The following TENM3 variants were observed in gnomAD, a reference collection of about 807,000 sequenced individuals.
The protein encoded by TENM3 is teneurin-3.
In TENM3, 63 loss-of-function variants were observed where a neutral mutation model predicts 255.1. That is an observed-to-expected ratio of 0.25 (90% CI 0.20 to 0.30). The LOEUF is 0.30. Among genes scored for constraint, TENM3 ranks in the 10% least tolerant of loss-of-function variants. TENM3 has a pLI of 1.00. For synonymous variants in TENM3, 1,306 were observed against 1,322.3 expected, an observed-to-expected ratio of 0.99 and a Z score of 0.27; for missense variants, 2,929 against 3,461.1, an observed-to-expected ratio of 0.85 and a Z score of 3.86.
At position 182,729,054 on chromosome 4, in the gene TENM3, G is replaced by A. The variant is rs1173894790; in HGVS notation, c.2458G>A (p.Asp820Asn). 6.2e-7 allele frequency: 1 copy of A among 1,613,966 alleles called. No homozygotes were observed. Residue 820 changes from aspartate (D) to asparagine (N), a missense_variant, in exon 14 of 28, where the codon GAC (aspartate) becomes AAC (asparagine). Asp to Asn is a conservative substitution (Grantham distance 23). Transcript: ENST00000511685. ...PYCRGLPDPQDIISQSLQSPS... is the reference protein window; with the variant it reads ...PYCRGLPDPQNIISQSLQSPS... ...TTGTCGGGGACTGCCGGATCCTCAGGACATCATTAGCCAAAGCCTTCAATC... is the reference window on the plus strand; with the variant it reads ...TTGTCGGGGACTGCCGGATCCTCAGAACATCATTAGCCAAAGCCTTCAATC...
the TENM3 span, among the ~76,000 whole-genome samples, chr4:181,862,569 G>A: frequency 6.6e-6 from 1 of 152,018 alleles, no homozygotes; most frequent in Non-Finnish European, 1.5e-5. Context: ...GCTATGAGAA[G>A]CAAGACAAAA....
At chr4:182,545,879 A>G (rs1003148979) in intron 3 of TENM3, among the ~76,000 whole-genome samples, 26 of 152,262 alleles carry the variant, frequency 1.7e-4, no homozygotes, top group African/African-American at 6.3e-4. Flanking sequence ...CCCCATCTAC[A>G]CAGTCAAAAT....
chr4:181,544,273 C>A, the TENM3 span, among the ~76,000 whole-genome samples: 1 of 151,720 alleles, frequency 6.6e-6, no homozygotes, highest in Non-Finnish European at 1.5e-5. Context: ...AAGAGTGTTT[C>A]ATATTGTGTC....
At chr4:182,733,640 A>G (rs1357235610) in intron 16 of TENM3, among the ~76,000 whole-genome samples, 11 of 152,220 alleles carry the variant, frequency 7.2e-5, no homozygotes, top group Middle Eastern at 3.4e-3. Context: ...GATAGAGACT[A>G]CAAGAGGTGA....
At chr4:182,562,519 C>T (rs909793541) in intron 3 of TENM3, among the ~76,000 whole-genome samples, 29 of 152,224 alleles carry the variant, frequency 1.9e-4, no homozygotes, top group African/African-American at 6.3e-4. Context: ...TAGTCATTTC[C>T]GTGCCATTTT....
At chr4:182,296,450 A>T (rs1761504608) in intron 1 of TENM3, among the ~76,000 whole-genome samples, 1 of 152,160 alleles carries the variant, frequency 6.6e-6, no homozygotes, top group Admixed American at 6.5e-5. Context: ...TGCAAGCTAG[A>T]CATCATGAAA....
At chr4:182,533,533 TA>T (rs1224892007) in intron 3 of TENM3, among the ~76,000 whole-genome samples, 3 of 140,994 alleles carry the variant, frequency 2.1e-5, no homozygotes, top group African/African-American at 8.0e-5. Flanking sequence ...AGGAAGACCC[TA>T]TCTCAAAAAA....
At chr4:181,671,745 C>CT in the TENM3 span, among the ~76,000 whole-genome samples, 8,684 of 146,540 alleles carry the variant, frequency 0.059, 704 homozygotes, top group African/African-American at 0.19. Flanking sequence ...GCAAACTTTA[C>CT]TTTTTTTTTT....
At chr4:182,082,451 G>A in the TENM3 span, among the ~76,000 whole-genome samples, 5 of 152,150 alleles carry the variant, frequency 3.3e-5, no homozygotes, top group Non-Finnish European at 7.3e-5. Flanking sequence ...GTACATTCAT[G>A]TACTCACCAC....
chr4:181,458,755 T>C, the TENM3 span, among the ~76,000 whole-genome samples: 1 of 151,982 alleles, frequency 6.6e-6, no homozygotes, highest in Non-Finnish European at 1.5e-5. Flanking sequence ...TTACTGAGTA[T>C]TATTTCATCA....
chr4:181,765,149 T>C, the TENM3 span, among the ~76,000 whole-genome samples: 1 of 152,242 alleles, frequency 6.6e-6, no homozygotes, highest in African/African-American at 2.4e-5. Flanking sequence ...TACCTGAGCT[T>C]TGTGTTTTTC....
intron 3 of TENM3, among the ~76,000 whole-genome samples, chr4:182,459,968 T>TA (rs1774207544): frequency 6.6e-6 from 1 of 152,158 alleles, no homozygotes; most frequent in Admixed American, 6.5e-5. Flanking sequence ...GTATTTTTTG[T>TA]AAAATTCATC....
chr4:182,635,456 A>G (rs1387101777), intron 5 of TENM3, among the ~76,000 whole-genome samples: 3 of 152,168 alleles, frequency 2.0e-5, no homozygotes, highest in Admixed American at 6.5e-5. Flanking sequence ...TCAATACCCA[A>G]TAGTTTTTTT....
chr4:182,212,521 A>C (rs1454350207), intron 1 of TENM3, among the ~76,000 whole-genome samples: 3 of 27,650 alleles, frequency 1.1e-4, no homozygotes, highest in African/African-American at 4.0e-4. Flanking sequence ...TCAGCTACTT[A>C]AAAAAAAAAA....
chr4:182,730,293 A>G lies in TENM3; in HGVS notation c.2679A>G (p.Gly893=), dbSNP rs374643757. 4 of 1,613,654 alleles carry G rather than the reference A, an allele frequency of 2.5e-6. No homozygotes were observed. Among genetic ancestry groups the G allele is most frequent in the Non-Finnish European group, 2.5e-6 (3 of 1,179,818 alleles). The change falls in exon 15 of 28, where the codon GGA becomes GGG. Residue 893 remains glycine (G), a synonymous_variant. Coordinates refer to ENST00000511685, the MANE Select transcript of TENM3 (RefSeq NM_001080477.4). The part of the protein sequence containing the change: ...NVSFFHYPEY[G]YTITRQDGMF... ...CGTTTTTCCATTACCCAGAATATGG[A>G]TATACTATTACCCGCCAGGACGGAA...
At chr4:182,047,328 C>T in the TENM3 span, among the ~76,000 whole-genome samples, 1 of 151,874 alleles carries the variant, frequency 6.6e-6, no homozygotes, top group Non-Finnish European at 1.5e-5. Flanking sequence ...CTTTGGGAGG[C>T]CGAGGTGGGT....
At chr4:182,282,300 A>G (rs1760437786) in intron 1 of TENM3, among the ~76,000 whole-genome samples, 1 of 152,228 alleles carries the variant, frequency 6.6e-6, no homozygotes, top group Non-Finnish European at 1.5e-5. Context: ...AGTTATTTCA[A>G]GGACAGTAGT....
the TENM3 span, among the ~76,000 whole-genome samples, chr4:181,754,386 A>G: frequency 5.3e-5 from 8 of 152,200 alleles, no homozygotes; most frequent in East Asian, 1.5e-3. Context: ...AGACAGATGT[A>G]AAATAAACTA....
chr4:181,752,873 G>T, the TENM3 span, among the ~76,000 whole-genome samples: 2 of 151,536 alleles, frequency 1.3e-5, no homozygotes, highest in African/African-American at 4.9e-5. Flanking sequence ...ACTAAAAATA[G>T]CTCAGTGGCA....
Sources: allele counts gnomAD v4.1 joint callset (sites outside exome capture counted in the v4.1 genomes callset), GRCh38; gene constraint gnomAD v4.1.1; transcripts MANE v1.5; gene names NCBI Gene and HGNC (gene_info 2026-07-23, HGNC 2026-07-21).